SUGCT: variants seen among roughly 807,000 people sequenced by gnomAD.
SUGCT encodes the protein succinyl-CoA:glutarate-CoA transferase.
In SUGCT, 41 loss-of-function variants were observed where a neutral mutation model predicts 55.0. That is an observed-to-expected ratio of 0.74 (90% CI 0.58 to 0.97). The LOEUF is 0.97. Among genes scored for constraint, SUGCT ranks in the 50% least tolerant of loss-of-function variants. The pLI, the probability that SUGCT is intolerant of heterozygous loss-of-function variation, is 0.00. For missense variants in SUGCT, 568 were observed against 547.8 expected (o/e 1.04, Z -0.37); for synonymous variants, 187 against 200.4 (o/e 0.93, Z 0.56).
chr7:40,785,736 G>A (rs1789978435), intron 13 of SUGCT, among the ~76,000 whole-genome samples: 1 of 152,090 alleles, frequency 6.6e-6, no homozygotes, highest in South Asian at 2.1e-4. Flanking sequence ...AATTGTAATT[G>A]TATTACAGTT....
intron 9 of SUGCT, among the ~76,000 whole-genome samples, chr7:40,327,224 A>G (rs1796065320): frequency 6.6e-6 from 1 of 151,792 alleles, no homozygotes; most frequent in Non-Finnish European, 1.5e-5. Flanking sequence ...ATCCTTACGG[A>G]TTTGGGATTC....
chr7:40,222,049 AAG>A (rs2150828780), intron 6 of SUGCT, among the ~76,000 whole-genome samples: 2 of 152,302 alleles, frequency 1.3e-5, no homozygotes, highest in South Asian at 4.1e-4. Flanking sequence ...GGATTGGGGT[AAG>A]AGAGAGAAGA....
chr7:40,222,990 CTT>C (rs1788111799), intron 6 of SUGCT, among the ~76,000 whole-genome samples: 3 of 31,022 alleles, frequency 9.7e-5, no homozygotes, highest in African/African-American at 4.3e-4. Context: ...CATTTCTTTC[CTT>C]CCTTCCTTCC....
At chr7:40,284,923 C>T (rs1000464618) in intron 8 of SUGCT, among the ~76,000 whole-genome samples, 8 of 151,980 alleles carry the variant, frequency 5.3e-5, no homozygotes, top group Non-Finnish European at 8.8e-5. Flanking sequence ...GAAAACTGAG[C>T]GAAATATAAG....
intron 9 of SUGCT, among the ~76,000 whole-genome samples, chr7:40,390,312 C>G (rs531990042): frequency 2.3e-4 from 35 of 151,928 alleles, no homozygotes; most frequent in East Asian, 1.4e-3. Context: ...AAGAAATAAA[C>G]GGTATTCAAT....
the SUGCT span, among the ~76,000 whole-genome samples, chr7:40,899,161 C>G: frequency 6.6e-6 from 1 of 152,186 alleles, no homozygotes; most frequent in African/African-American, 2.4e-5. Context: ...TCGCTTTGCT[C>G]CCTTAACTTG....
chr7:40,700,333 TG>T (rs1303515520), intron 12 of SUGCT, among the ~76,000 whole-genome samples: 3 of 152,164 alleles, frequency 2.0e-5, no homozygotes. Context: ...TCCTAAGACA[TG>T]GGTCTGTCCA....
At chr7:40,415,044 C>CAAA (rs66493575) in intron 9 of SUGCT, among the ~76,000 whole-genome samples, 9 of 71,026 alleles carry the variant, frequency 1.3e-4, no homozygotes, top group African/African-American at 4.5e-4. Context: ...CACTCTGTCA[C>CAAA]AAAAAAAAAA....
Position 40,624,668 on chromosome 7 carries a change from C to T in SUGCT, c.1090-124766C>T, listed in dbSNP as rs1303010130. Among the ~76,000 whole-genome samples, 8 of 152,084 alleles carry T rather than the reference C, an allele frequency of 5.3e-5. No homozygotes were observed. The East Asian group carries it at 5.8e-4, about 11-fold the overall frequency. ...AACTGCGATGGTTAGACTCCTATCA[C>T]GAGTAGAACTGCTCTTTGGATAAAA... On this transcript the variant is annotated intron_variant, in intron 12 of 13. Transcript: ENST00000335693.
At chr7:40,879,854 A>T in the SUGCT span, among the ~76,000 whole-genome samples, 1 of 152,148 alleles carries the variant, frequency 6.6e-6, no homozygotes, top group Admixed American at 6.5e-5. Flanking sequence ...CTTGTGGCAG[A>T]CATAAAAGGG....
chr7:40,530,519 T>C (rs1302578146), intron 12 of SUGCT, among the ~76,000 whole-genome samples: 1 of 152,226 alleles, frequency 6.6e-6, no homozygotes, highest in African/African-American at 2.4e-5. Flanking sequence ...TGTGTCAGTA[T>C]GCATGTTTCA....
intron 6 of SUGCT, among the ~76,000 whole-genome samples, chr7:40,228,069 A>G (rs1276238500): frequency 2.0e-5 from 3 of 151,880 alleles, no homozygotes; most frequent in Non-Finnish European, 4.4e-5. Flanking sequence ...TTTAGTAGAG[A>G]TGGGGTTTCA....
intron 7 of SUGCT, among the ~76,000 whole-genome samples, chr7:40,242,996 G>A (rs1789562234): frequency 8.7e-6 from 1 of 115,002 alleles, no homozygotes; most frequent in Non-Finnish European, 1.6e-5. Flanking sequence ...CCAGGCTGGT[G>A]TAATCATGGC....
At chr7:40,537,966 C>CT (rs1020347110) in intron 12 of SUGCT, among the ~76,000 whole-genome samples, 6 of 151,788 alleles carry the variant, frequency 4.0e-5, no homozygotes, top group East Asian at 1.9e-4. Flanking sequence ...TTTCTGTGTT[C>CT]TTTTTTTTGG....
chr7:40,406,088 C>T (rs1244895420), intron 9 of SUGCT, among the ~76,000 whole-genome samples: 2 of 151,984 alleles, frequency 1.3e-5, no homozygotes, highest in East Asian at 3.9e-4. Flanking sequence ...GTTTGATAGG[C>T]AGGTGGCTAG....
chr7:40,888,518 G>T, the SUGCT span, among the ~76,000 whole-genome samples: 1 of 151,894 alleles, frequency 6.6e-6, no homozygotes, highest in African/African-American at 2.4e-5. Flanking sequence ...CAGTGTGTTT[G>T]AAAAATTAAA....
intron 12 of SUGCT, among the ~76,000 whole-genome samples, chr7:40,545,110 A>C (rs1470024037): frequency 6.6e-6 from 1 of 152,202 alleles, no homozygotes; most frequent in Non-Finnish European, 1.5e-5. Flanking sequence ...TGAAAGACTT[A>C]GATGGTTTGT....
chr7:40,197,832 C>T (rs1786373716), intron 6 of SUGCT, among the ~76,000 whole-genome samples: 3 of 152,024 alleles, frequency 2.0e-5, no homozygotes, highest in Non-Finnish European at 2.9e-5. Flanking sequence ...ATCACATCAT[C>T]GAGTCAAAAA....
At chr7:40,815,850 G>A (rs959439892) in intron 13 of SUGCT, among the ~76,000 whole-genome samples, 2 of 152,086 alleles carry the variant, frequency 1.3e-5, no homozygotes, top group East Asian at 1.9e-4. Context: ...TGAATGGAGC[G>A]GCAAGAGCTC....
Sources: gnomAD v4.1 joint callset for allele counts (sites outside exome capture counted in the v4.1 genomes callset) on GRCh38, gnomAD v4.1.1 for gene constraint, MANE v1.5 for transcripts, NCBI Gene and HGNC (gene_info 2026-07-23, HGNC 2026-07-21) for gene names.